Variants in TMEM132D observed in about 807,000 individuals in gnomAD.
TMEM132D encodes transmembrane protein 132D.
In TMEM132D, 21 loss-of-function variants were observed where a neutral mutation model predicts 62.3. The observed-to-expected ratio is 0.34, with a 90% confidence interval of 0.24 to 0.49. TMEM132D has a LOEUF of 0.49. Ranked by LOEUF, TMEM132D falls within the 20% of genes least tolerant of loss-of-function variation. The pLI, the probability that TMEM132D is intolerant of heterozygous loss-of-function variation, is 0.99. For missense variants in TMEM132D, 1,346 were observed against 1,402.8 expected (o/e 0.96, Z 0.65); for synonymous variants, 621 against 575.6 (o/e 1.08, Z -1.13).
chr12:129,330,123 G>A (rs1869056541), intron 4 of TMEM132D, among the ~76,000 whole-genome samples: 1 of 152,092 alleles, frequency 6.6e-6, no homozygotes, highest in Non-Finnish European at 1.5e-5. Context: ...ATTCCTTAAC[G>A]ATTACATGAT....
At chr12:129,501,306 G>A (rs1875133053) in intron 3 of TMEM132D, among the ~76,000 whole-genome samples, 3 of 152,070 alleles carry the variant, frequency 2.0e-5, no homozygotes, top group Admixed American at 1.3e-4. Flanking sequence ...ACAATCTCAT[G>A]TCTCATGATT....
At chr12:129,603,792 C>T (rs1187491992) in intron 2 of TMEM132D, among the ~76,000 whole-genome samples, 1 of 152,132 alleles carries the variant, frequency 6.6e-6, no homozygotes, top group African/African-American at 2.4e-5. Flanking sequence ...CCAGAAATAC[C>T]ATTTGACCCA....
At chr12:129,395,845 T>G (rs12227880) in intron 3 of TMEM132D, among the ~76,000 whole-genome samples, 2 of 105,204 alleles carry the variant, frequency 1.9e-5, no homozygotes, top group Non-Finnish European at 4.1e-5. Context: ...ATATCTATAT[T>G]GATACATTGA....
At chr12:129,239,363 A>T (rs549439073) in intron 4 of TMEM132D, among the ~76,000 whole-genome samples, 1 of 152,276 alleles carries the variant, frequency 6.6e-6, no homozygotes, top group African/African-American at 2.4e-5. Context: ...TAGGTCTTTA[A>T]TCTAGGTTGC....
chr12:129,508,968 A>G (rs951353658), intron 3 of TMEM132D, among the ~76,000 whole-genome samples: 2 of 152,172 alleles, frequency 1.3e-5, no homozygotes, highest in Non-Finnish European at 2.9e-5. Context: ...TCCCAATTTG[A>G]AAACATAGTG....
intron 5 of TMEM132D, among the ~76,000 whole-genome samples, chr12:129,142,094 A>T (rs1876759448): frequency 6.6e-6 from 1 of 151,538 alleles, no homozygotes; most frequent in South Asian, 2.1e-4. Flanking sequence ...GATGGAAAAG[A>T]CAAGGCTGTT....
At chr12:129,142,280 C>T (rs1876767760) in intron 5 of TMEM132D, among the ~76,000 whole-genome samples, 1 of 152,106 alleles carries the variant, frequency 6.6e-6, no homozygotes, top group East Asian at 1.9e-4. Context: ...GCATGTATGT[C>T]TTCTAACTCA....
chr12:129,813,555 C>T lies in TMEM132D; in HGVS notation c.79+89706G>A, dbSNP rs554049188. Reference sequence around the variant, plus strand: ...TTCACTGCAGCCAACTCACAATAGGCGAAATATGGAATCAACTTAAGTGCC... The same window carrying T: ...TTCACTGCAGCCAACTCACAATAGGTGAAATATGGAATCAACTTAAGTGCC... On this transcript the variant is annotated intron_variant, in intron 1 of 8. Transcript: ENST00000422113. Among the ~76,000 whole-genome samples, 24 of 148,110 alleles carry T rather than the reference C, an allele frequency of 1.6e-4. 1 individual carries two copies. The highest frequency in any genetic ancestry group is 5.4e-4 in the African/African-American group (22 of 40,468).
chr12:129,700,694 C>A lies in TMEM132D; in HGVS notation c.84G>T (p.Thr28=). Residue 28 remains threonine, a synonymous_variant, in exon 2 of 9, where the codon ACG becomes ACT. Coordinates refer to ENST00000422113, the MANE Select transcript of TMEM132D (RefSeq NM_133448.3). ...ISLAALFSKV[T]EGRGILESIQ... is the part of the protein sequence containing the mutation. ...TGCTCTCAAGGATCCCTCGACCTTCCGTCACTGTGGGGAGGGAATCGCAGT... is the reference window on the plus strand; with the variant it reads ...TGCTCTCAAGGATCCCTCGACCTTCAGTCACTGTGGGGAGGGAATCGCAGT... 1 of 1,605,704 alleles carries A rather than the reference C, an allele frequency of 6.2e-7. No individual in the cohort carries two copies. The highest frequency in any genetic ancestry group is 8.5e-7 in the Non-Finnish European group (1 of 1,175,830).
chr12:129,360,093 T>A (rs927606934), intron 3 of TMEM132D, among the ~76,000 whole-genome samples: 10 of 152,136 alleles, frequency 6.6e-5, no homozygotes, highest in African/African-American at 2.4e-4. Flanking sequence ...AAGGGACAAT[T>A]CTTCATGATA....
At chr12:129,446,598 T>C (rs916323131) in intron 3 of TMEM132D, among the ~76,000 whole-genome samples, 1 of 152,214 alleles carries the variant, frequency 6.6e-6, no homozygotes. Context: ...AAATCTCTGC[T>C]CTTGAAGATC....
At chr12:129,232,925 G>A (rs769583596) in intron 4 of TMEM132D, among the ~76,000 whole-genome samples, 6 of 151,912 alleles carry the variant, frequency 3.9e-5, no homozygotes, top group African/African-American at 9.7e-5. Context: ...GAACAGCACC[G>A]GGGAAATCAC....
intron 5 of TMEM132D, among the ~76,000 whole-genome samples, chr12:129,132,183 CCTGT>C (rs546457768): frequency 1.5e-3 from 222 of 152,212 alleles, no homozygotes; most frequent in African/African-American, 4.8e-3. Flanking sequence ...CTTGCAGTAA[CCTGT>C]TTGTTCAAAA....
intron 1 of TMEM132D, among the ~76,000 whole-genome samples, chr12:129,818,801 A>T (rs61942089): frequency 1.3e-4 from 19 of 151,456 alleles, no homozygotes; most frequent in African/African-American, 4.6e-4. Context: ...TTGGAAGGCC[A>T]AGGTGGATGG....
chr12:129,156,182 A>G (rs1319441355), intron 5 of TMEM132D, among the ~76,000 whole-genome samples: 1 of 150,588 alleles, frequency 6.6e-6, no homozygotes, highest in African/African-American at 2.5e-5. Flanking sequence ...TATTCCCAAG[A>G]TAACCAACCC....
chr12:129,116,676 A>C (rs1875899846), intron 5 of TMEM132D, among the ~76,000 whole-genome samples: 1 of 152,146 alleles, frequency 6.6e-6, no homozygotes. Flanking sequence ...ATTTCAAATT[A>C]AAACAACAAT....
chr12:129,406,077 C>T (rs992006793), intron 3 of TMEM132D, among the ~76,000 whole-genome samples: 2 of 152,082 alleles, frequency 1.3e-5, no homozygotes, highest in East Asian at 1.9e-4. Context: ...CATGATGATT[C>T]GATTAAAATA....
intron 3 of TMEM132D, among the ~76,000 whole-genome samples, chr12:129,437,890 GC>G (rs1352269005): frequency 5.5e-5 from 3 of 54,510 alleles, no homozygotes; most frequent in Non-Finnish European, 7.5e-5. Flanking sequence ...CCCTCCCCCA[GC>G]CCCCCTCCCC....
rs1057172843 is a variant in TMEM132D, at chr12:129,903,530, G to A, written c.-191C>T. Reference sequence around the variant, plus strand: ...CCAGGCCGGGAGGCGACGACCGCGCGGGCTCCTGAGTTGCTCTCCGGAGTC... The same window carrying A: ...CCAGGCCGGGAGGCGACGACCGCGCAGGCTCCTGAGTTGCTCTCCGGAGTC... On this transcript the variant is annotated 5_prime_UTR_variant, in exon 1 of 9. Transcript: ENST00000422113. The surrounding 1 kb of genome is among the most constrained non-coding windows in gnomAD (Gnocchi z 6.2). The A allele has an allele frequency of 5.0e-6, 3 of 599,484 alleles. No homozygotes were observed. The highest frequency in any genetic ancestry group is 2.8e-5 in the East Asian group (1 of 35,348). The allele number at this position is 599,484 out of a possible 1,614,324, so 37.1% of individuals were successfully genotyped here. A position where few individuals can be genotyped will look rare whatever the true frequency, so the allele number is the denominator to read the frequency against.
Sources: allele counts gnomAD v4.1 joint callset (sites outside exome capture counted in the v4.1 genomes callset), GRCh38; gene constraint gnomAD v4.1.1; non-coding constraint Gnocchi (gnomAD v3.1); transcripts MANE v1.5; gene names NCBI Gene and HGNC (gene_info 2026-07-23, HGNC 2026-07-21).